COL23A1: variants seen among roughly 807,000 people sequenced by gnomAD.
COL23A1 encodes the protein collagen type XXIII alpha 1 chain, also known as collagen alpha-1(XXIII) chain.
In COL23A1, 97 loss-of-function variants were observed where a neutral mutation model predicts 99.3. That is an observed-to-expected ratio of 0.98 (90% confidence interval 0.83 to 1.16). COL23A1 has a LOEUF of 1.16. Among genes scored for constraint, COL23A1 ranks in the 50% most tolerant of loss-of-function variants. The pLI, the probability that COL23A1 is intolerant of heterozygous loss-of-function variation, is 0.00. For synonymous variants in COL23A1, 320 were observed against 308.2 expected, an observed-to-expected ratio of 1.04 and a Z score of -0.40; for missense variants, 762 against 757.4, an observed-to-expected ratio of 1.01 and a Z score of -0.07.
rs544012182 is a variant in COL23A1 at position 178,296,539 on chromosome 5, A to C, written c.407-6170T>G. Among the ~76,000 whole-genome samples the C allele has an allele frequency of 1.6e-3, 249 of 152,016 alleles. 1 individual carries two copies. In the Middle Eastern group the frequency reaches 0.017, roughly 11 times the overall value. Reference sequence around the variant, plus strand: ...GGCACTTTCGTCCGTGGGAGGACCCAGGCCCCCTTTCTTGGCCACGCCGTT... The same window carrying C: ...GGCACTTTCGTCCGTGGGAGGACCCCGGCCCCCTTTCTTGGCCACGCCGTT... On this transcript the variant is annotated intron_variant, in intron 3 of 28. Coordinates refer to ENST00000390654, the MANE Select transcript of COL23A1 (RefSeq NM_173465.4).
At position 178,301,129 on chromosome 5, in the gene COL23A1, C is replaced by T. The variant is rs567982070; in HGVS notation, c.406+5746G>A. Among the ~76,000 whole-genome samples the T allele has an allele frequency of 1.0e-3, 154 of 152,234 alleles. 1 individual carries two copies. Among genetic ancestry groups the T allele is most frequent in the Middle Eastern group, 3.4e-3 (1 of 294 alleles). On this transcript the variant is annotated intron_variant, in intron 3 of 28. Transcript: ENST00000390654. ...CATTTTCCTTCATTCTTTTCTCCTT[C>T]TGTTCCTTAGGCTGGATGATATCAA...
At chr5:178,293,248 GA>G (rs1412776636) in intron 3 of COL23A1, among the ~76,000 whole-genome samples, 5 of 151,994 alleles carry the variant, frequency 3.3e-5, no homozygotes, top group Non-Finnish European at 4.4e-5. Flanking sequence ...GGGAGGAGGG[GA>G]GAGTCCTAGA....
intron 1 of COL23A1, among the ~76,000 whole-genome samples, chr5:178,583,330 C>T (rs1382989549): frequency 2.0e-5 from 3 of 152,218 alleles, no homozygotes; most frequent in African/African-American, 7.2e-5. Flanking sequence ...GCTTAGAGCC[C>T]AAGCTTCTCA....
intron 2 of COL23A1, among the ~76,000 whole-genome samples, chr5:178,332,396 A>T (rs1424807025): frequency 6.6e-6 from 1 of 152,178 alleles, no homozygotes; most frequent in African/African-American, 2.4e-5. Flanking sequence ...AGCAGCTGGG[A>T]GGCAGCTTCC....
intron 1 of COL23A1, among the ~76,000 whole-genome samples, chr5:178,585,740 G>T (rs1763953307): frequency 6.6e-6 from 1 of 151,998 alleles, no homozygotes. Context: ...CCACAGCCCT[G>T]GCTGACCCTG....
intron 2 of COL23A1, among the ~76,000 whole-genome samples, chr5:178,465,001 A>G (rs2127912873): frequency 6.6e-6 from 1 of 152,346 alleles, no homozygotes; most frequent in East Asian, 1.9e-4. Flanking sequence ...GTTTTGATGC[A>G]TGATCATTAA....
intron 2 of COL23A1, among the ~76,000 whole-genome samples, chr5:178,445,658 C>A (rs772386372): frequency 6.6e-6 from 1 of 151,876 alleles, no homozygotes; most frequent in Non-Finnish European, 1.5e-5. Context: ...GAAACTACAT[C>A]GAAAAGATGA....
intron 1 of COL23A1, among the ~76,000 whole-genome samples, chr5:178,569,541 G>A (rs639008): frequency 0.34 from 51,663 of 152,006 alleles, 9,536 homozygotes; most frequent in African/African-American, 0.48. Context: ...AATTGTATTC[G>A]TTTTCTATTG....
chr5:178,520,795 C>T (rs1231814459), intron 2 of COL23A1, among the ~76,000 whole-genome samples: 2 of 152,168 alleles, frequency 1.3e-5, no homozygotes, highest in Non-Finnish European at 2.9e-5. Context: ...AGCATACAGC[C>T]TGGTTTATAG....
intron 2 of COL23A1, chr5:178,351,063 A>C (rs1033964268): frequency 2.6e-5 from 4 of 152,258 alleles, no homozygotes; most frequent in Non-Finnish European, 5.9e-5. Flanking sequence ...CTCAGGCAGG[A>C]AAGTCACGCT....
At chr5:178,288,442 GC>G (rs1322986098) in intron 4 of COL23A1, 92 bp from the exon 5 acceptor site, 7 of 1,086,554 alleles carry the variant, frequency 6.4e-6, no homozygotes, top group African/African-American at 1.5e-5. Context: ...ACCCACACCC[GC>G]CCCCCGACAG....
At chr5:178,239,067 C>T in intron 28 of COL23A1, 74 bp downstream of exon 28, 1 of 1,535,204 alleles carries the variant, frequency 6.5e-7, no homozygotes, top group Non-Finnish European at 9.0e-7. Flanking sequence ...AGCACCCAGG[C>T]TCTGGGGCCC....
At chr5:178,352,867 C>T (rs1014572825) in intron 2 of COL23A1, among the ~76,000 whole-genome samples, 5 of 152,102 alleles carry the variant, frequency 3.3e-5, no homozygotes, top group East Asian at 1.9e-4. Flanking sequence ...CTCCTCACAC[C>T]GAATATTTTG....
At chr5:178,479,850 G>A (rs548144129) in intron 2 of COL23A1, among the ~76,000 whole-genome samples, 2 of 152,274 alleles carry the variant, frequency 1.3e-5, no homozygotes, top group East Asian at 1.9e-4. Flanking sequence ...GTCCTTAGGC[G>A]ATTGTGTCAT....
At chr5:178,274,058 G>A (rs1561814621) in intron 5 of COL23A1, among the ~76,000 whole-genome samples, 1 of 152,248 alleles carries the variant, frequency 6.6e-6, no homozygotes, top group African/African-American at 2.4e-5. Flanking sequence ...CCTGGAGACA[G>A]GGATTCCACG....
chr5:178,360,998 A>G (rs1324194313), intron 2 of COL23A1, among the ~76,000 whole-genome samples: 1 of 152,212 alleles, frequency 6.6e-6, no homozygotes, highest in Non-Finnish European at 1.5e-5. Flanking sequence ...GCTGGACTGA[A>G]CACGTCTCAG....
intron 2 of COL23A1, among the ~76,000 whole-genome samples, chr5:178,413,532 A>G (rs1004042644): frequency 6.6e-6 from 1 of 152,242 alleles, no homozygotes; most frequent in Admixed American, 6.5e-5. Flanking sequence ...TGTGCCAGGC[A>G]CTGAGAATGC....
At chr5:178,406,504 A>G (rs1214248432) in intron 2 of COL23A1, among the ~76,000 whole-genome samples, 1 of 148,782 alleles carries the variant, frequency 6.7e-6, no homozygotes, top group African/African-American at 2.5e-5. Context: ...ATCTCGGCTC[A>G]CTGCAATCTC....
chr5:178,423,355 C>A (rs1353688080), intron 2 of COL23A1, among the ~76,000 whole-genome samples: 1 of 152,118 alleles, frequency 6.6e-6, no homozygotes, highest in Non-Finnish European at 1.5e-5. Context: ...ATCCTGGCAG[C>A]AGGAGGACCC....
Sources: gnomAD v4.1 joint callset for allele counts (sites outside exome capture counted in the v4.1 genomes callset) on GRCh38, gnomAD v4.1.1 for gene constraint, MANE v1.5 for transcripts, NCBI Gene and HGNC (gene_info 2026-07-23, HGNC 2026-07-21) for gene names.